The following UBE2D4 variants were observed in gnomAD, a reference collection of about 807,000 sequenced individuals.
UBE2D4 encodes ubiquitin conjugating enzyme E2 D4.
A neutral mutation model predicts 23.0 loss-of-function variants in UBE2D4; 17 were observed. The observed-to-expected ratio is 0.74, with a 90% CI of 0.51 to 1.11. UBE2D4 has a LOEUF of 1.11. Among genes scored for constraint, UBE2D4 ranks in the 50% least tolerant of loss-of-function variants. The pLI, the probability that UBE2D4 is intolerant of heterozygous loss-of-function variation, is 0.00. For missense variants in UBE2D4, 139 were observed against 181.8 expected (o/e 0.76, Z 1.35); for synonymous variants, 61 against 69.4 (o/e 0.88, Z 0.60).
rs997426847 is a variant in UBE2D4 at position 43,933,455 on chromosome 7, T to C, written c.25-4976T>C. On this transcript the variant is annotated intron_variant, in intron 1 of 6. Coordinates refer to ENST00000222402, the MANE Select transcript of UBE2D4 (RefSeq NM_015983.4). Reference sequence around the variant, plus strand: ...GGTAGTAATTGTTCTTTAAAGAAACTTGGGGCTGGGCGTGGTGGCTCAGGC... The same window carrying C: ...GGTAGTAATTGTTCTTTAAAGAAACCTGGGGCTGGGCGTGGTGGCTCAGGC... Among the ~76,000 whole-genome samples the C allele has an allele frequency of 2.6e-5, 4 of 152,216 alleles. No homozygotes were observed. In the South Asian group the frequency reaches 8.3e-4, roughly 32 times the overall value.
chr7:43,938,390 C>A, intron 1 of UBE2D4, 41 bp from the exon 2 acceptor site: 1 of 1,593,754 alleles, frequency 6.3e-7, no homozygotes, highest in Non-Finnish European at 8.6e-7. Flanking sequence ...AGGCAGCATC[C>A]CCAGCATACA....
At chr7:43,928,017 G>T (rs1016559411) in intron 1 of UBE2D4, 6 of 451,650 alleles carry the variant, frequency 1.3e-5, no homozygotes, top group African/African-American at 1.2e-4. Context: ...TCTGCAGGCT[G>T]TACAAGAAGC....
chr7:43,948,803 G>A (rs778517957), intron 5 of UBE2D4, 66 bp downstream of exon 5: 1 of 1,276,656 alleles, frequency 7.8e-7, no homozygotes, highest in South Asian at 1.2e-5. Context: ...CACTGACTGA[G>A]TGGAAATGGA....
At chr7:43,932,388 A>G (rs577161872) in intron 1 of UBE2D4, among the ~76,000 whole-genome samples, 1 of 152,362 alleles carries the variant, frequency 6.6e-6, no homozygotes, top group South Asian at 2.1e-4. Context: ...CCCCACCCTC[A>G]ACGTTGGAGA....
intron 1 of UBE2D4, among the ~76,000 whole-genome samples, chr7:43,932,754 C>T (rs976095824): frequency 7.9e-5 from 12 of 151,282 alleles, no homozygotes; most frequent in Admixed American, 5.3e-4. Context: ...GATGGCGCCA[C>T]GGCACTCCAA....
At chr7:43,935,734 C>T (rs1477554598) in intron 1 of UBE2D4, among the ~76,000 whole-genome samples, 5 of 152,174 alleles carry the variant, frequency 3.3e-5, no homozygotes, top group Non-Finnish European at 5.9e-5. Flanking sequence ...AGATCTTGAA[C>T]GCATAATGAT....
intron 5 of UBE2D4, among the ~76,000 whole-genome samples, chr7:43,950,280 T>C (rs2095999029): frequency 1.3e-5 from 2 of 152,076 alleles, no homozygotes; most frequent in Non-Finnish European, 2.9e-5. Context: ...ATGCCAGAGG[T>C]TCATGATGTA....
intron 1 of UBE2D4, among the ~76,000 whole-genome samples, chr7:43,929,061 G>C (rs2132748041): frequency 6.6e-6 from 1 of 152,288 alleles, no homozygotes; most frequent in African/African-American, 2.4e-5. Flanking sequence ...GGAGGCCGAG[G>C]CAGGTGGATT....
intron 1 of UBE2D4, among the ~76,000 whole-genome samples, chr7:43,934,460 T>TTTC (rs904892086): frequency 1.6e-4 from 24 of 150,014 alleles, no homozygotes; most frequent in African/African-American, 5.9e-4. Context: ...TTCCTTTTTT[T>TTTC]TTTTTTTGTA....
intron 1 of UBE2D4, among the ~76,000 whole-genome samples, chr7:43,936,027 C>T (rs1399079065): frequency 1.3e-5 from 2 of 152,180 alleles, no homozygotes; most frequent in African/African-American, 2.4e-5. Flanking sequence ...CACATGCCAC[C>T]AAGCCCAGCT....
At chr7:43,928,407 C>T (rs1389454784) in intron 1 of UBE2D4, among the ~76,000 whole-genome samples, 1 of 148,822 alleles carries the variant, frequency 6.7e-6, no homozygotes, top group African/African-American at 2.5e-5. Flanking sequence ...TACAGGATCT[C>T]TGAGAGTATG....
intron 4 of UBE2D4, among the ~76,000 whole-genome samples, chr7:43,946,638 A>C (rs2132788675): frequency 6.6e-6 from 1 of 152,282 alleles, no homozygotes; most frequent in East Asian, 1.9e-4. Context: ...AATTCACCTC[A>C]TTCTTTTTAA....
intron 4 of UBE2D4, chr7:43,943,351 G>C (rs1287239563): frequency 2.3e-6 from 1 of 442,658 alleles, no homozygotes; most frequent in Non-Finnish European, 4.1e-6. Flanking sequence ...TTAGAGTTAG[G>C]ACAGGGGTTC....
chr7:43,947,977 G>A (rs1426739681), intron 4 of UBE2D4, among the ~76,000 whole-genome samples: 1 of 152,214 alleles, frequency 6.6e-6, no homozygotes, highest in East Asian at 1.9e-4. Flanking sequence ...TCTGTTGGCT[G>A]CATAAATGTC....
chr7:43,951,306 C>G (rs941530880), intron 6 of UBE2D4, among the ~76,000 whole-genome samples: 4 of 152,192 alleles, frequency 2.6e-5, no homozygotes, highest in African/African-American at 9.7e-5. Flanking sequence ...GTTGGTGGGG[C>G]AGGCACAAGG....
Position 43,926,527 on chromosome 7 carries a change from G to A in UBE2D4, c.-6G>A. 1.3e-6 allele frequency: 2 copies of A among 1,552,824 alleles called. No individual in the cohort carries two copies. Among genetic ancestry groups the A allele is most frequent in the South Asian group, 1.2e-5 (1 of 84,448 alleles). ...GGGCCGCCCGGGTCCCCGGCAGCGG[G>A]GTAGGATGGCGCTAAAGCGGATCCA... On this transcript the variant is annotated 5_prime_UTR_variant, in exon 1 of 7. Coordinates refer to ENST00000222402, the MANE Select transcript of UBE2D4 (RefSeq NM_015983.4).
intron 4 of UBE2D4, chr7:43,947,019 T>C (rs2095989122): frequency 2.0e-5 from 3 of 152,162 alleles, no homozygotes; most frequent in Non-Finnish European, 2.9e-5. Context: ...CCTAATGCTA[T>C]CCCTGCCTCA....
chr7:43,942,583 G>A, intron 2 of UBE2D4: 1 of 610,794 alleles, frequency 1.6e-6, no homozygotes, highest in Admixed American at 2.8e-5. Context: ...CCCTCCTGAT[G>A]TTAACCTATG....
chr7:43,945,244 C>T (rs770587080), intron 4 of UBE2D4, among the ~76,000 whole-genome samples: 3 of 152,140 alleles, frequency 2.0e-5, no homozygotes, highest in South Asian at 2.1e-4. Flanking sequence ...CCGCCCACCA[C>T]GGCCTCTCAA....
Sources: gnomAD v4.1 joint callset for allele counts (sites outside exome capture counted in the v4.1 genomes callset) on GRCh38, gnomAD v4.1.1 for gene constraint, MANE v1.5 for transcripts, NCBI Gene and HGNC (gene_info 2026-07-23, HGNC 2026-07-21) for gene names.